RLN2: variants seen among roughly 807,000 people sequenced by gnomAD.
The protein encoded by RLN2 is relaxin 2.
RLN2 carries 10 observed loss-of-function variants against 7.3 expected under a neutral mutation model. The ratio of observed to expected loss-of-function variants is 1.36; its 90% CI spans 0.84 to 2.31. The LOEUF (loss-of-function observed/expected upper bound fraction) is 2.31. Ranked by LOEUF, RLN2 falls within the 30% of genes most tolerant of loss-of-function variation. RLN2 has a pLI of 0.00. For missense variants in RLN2, 298 were observed against 217.6 expected (o/e 1.37, Z -2.32); for synonymous variants, 103 against 82.3 (o/e 1.25, Z -1.36).
At chr9:5,309,690 C>T (rs1036536427), upstream of RLN2, among the ~76,000 whole-genome samples, 6 of 152,084 alleles carry the variant, frequency 3.9e-5, no homozygotes, top group Non-Finnish European at 8.8e-5. Flanking sequence ...CAGTCTGTTC[C>T]TTTTATCACA....
the RLN2 span, among the ~76,000 whole-genome samples, chr9:5,325,872 A>T: frequency 1.6e-4 from 25 of 152,020 alleles, no homozygotes; most frequent in Non-Finnish European, 3.1e-4. Flanking sequence ...TCCTTCCCAA[A>T]GGCGATGTCA....
chr9:5,336,916 T>G, the RLN2 span, among the ~76,000 whole-genome samples: 1 of 151,976 alleles, frequency 6.6e-6, no homozygotes, highest in African/African-American at 2.4e-5. Context: ...TTCCTGAGTT[T>G]TGTGGCAAAA....
chr9:5,300,175 TC>T lies in RLN2; in HGVS notation c.480del (p.Arg161AspfsTer42). On this transcript the variant is annotated frameshift_variant, in exon 2 of 2. Transcript: ENST00000381627. LOFTEE classifies it low-confidence loss of function (END_TRUNC). Reference sequence around the variant, plus strand: ...TTAGCCAATGCACTGTAGAGTTGTCTCTTTTTTCGAGAATGAGTATCCAAGC... The same window carrying T: ...TTAGCCAATGCACTGTAGAGTTGTCTTTTTTTCGAGAATGAGTATCCAAGC... ...YLGLDTHSRK[K>X]RQLYSALANK... 1 of 1,613,832 alleles carries T rather than the reference TC, an allele frequency of 6.2e-7. No individual in the cohort carries two copies. The highest frequency in any genetic ancestry group is 8.5e-7 in the Non-Finnish European group (1 of 1,179,890).
the RLN2 span, among the ~76,000 whole-genome samples, chr9:5,322,562 G>A: frequency 5.6e-4 from 85 of 152,052 alleles, 2 homozygotes; most frequent in African/African-American, 1.9e-3. Flanking sequence ...TCTCCTTGGA[G>A]AAGGAAGTCC....
At chr9:5,307,833 T>G (rs1451655915), upstream of RLN2, among the ~76,000 whole-genome samples, 1 of 152,036 alleles carries the variant, frequency 6.6e-6, no homozygotes, top group East Asian at 1.9e-4. Context: ...AGCGCCAACT[T>G]TGTCTATAGG....
chr9:5,337,968 G>C, the RLN2 span, among the ~76,000 whole-genome samples: 2 of 151,756 alleles, frequency 1.3e-5, no homozygotes, highest in Non-Finnish European at 2.9e-5. Context: ...TTATGTTTTG[G>C]GATAATAACA....
At chr9:5,305,123 G>A (rs1174443872), upstream of RLN2, among the ~76,000 whole-genome samples, 2 of 151,896 alleles carry the variant, frequency 1.3e-5, no homozygotes, top group Non-Finnish European at 2.9e-5. Flanking sequence ...TAGAATGGAT[G>A]AATAAATAAA....
chr9:5,324,188 C>T, the RLN2 span, among the ~76,000 whole-genome samples: 1 of 151,922 alleles, frequency 6.6e-6, no homozygotes, highest in Non-Finnish European at 1.5e-5. Context: ...AGTGCAGGGT[C>T]TACAGCTGAA....
the RLN2 span, among the ~76,000 whole-genome samples, chr9:5,328,603 T>C: frequency 1.3e-5 from 2 of 151,684 alleles, no homozygotes; most frequent in African/African-American, 2.4e-5. Context: ...CCAAGACACA[T>C]AATTGTCAGA....
At chr9:5,331,188 A>T in the RLN2 span, among the ~76,000 whole-genome samples, 49 of 152,154 alleles carry the variant, frequency 3.2e-4, 1 homozygote, top group Non-Finnish European at 5.9e-4. Flanking sequence ...AGCTGGTACC[A>T]TTCCTTCTGA....
rs1464791947 is a variant in RLN2 at position 5,301,544 on chromosome 9, T to C, written c.212-1100A>G. Among the ~76,000 whole-genome samples, 5 of 152,220 alleles carry C rather than the reference T, an allele frequency of 3.3e-5. No individual in the cohort carries two copies. In the South Asian group the frequency reaches 6.2e-4, roughly 19 times the overall value. ...AAACACGATGATGTTTAAATTACAG[T>C]GAAAACCCATATCAGGTCTTGCTGC... On this transcript the variant is annotated intron_variant, in intron 1 of 1. Transcript: ENST00000381627.
At chr9:5,332,683 C>T in the RLN2 span, among the ~76,000 whole-genome samples, 52 of 151,216 alleles carry the variant, frequency 3.4e-4, 1 homozygote, top group East Asian at 4.3e-3. Context: ...AGTGCAATGG[C>T]GCAATCTCAG....
chr9:5,300,559 A>G, intron 1 of RLN2, 115 bp from the exon 2 acceptor site: 1 of 684,118 alleles, frequency 1.5e-6, no homozygotes. Flanking sequence ...TAAATTAAAC[A>G]TTGAAACAAA....
chr9:5,317,994 A>ATGTGTGTGTGTGTGTG, the RLN2 span, among the ~76,000 whole-genome samples: 1 of 64,746 alleles, frequency 1.5e-5, no homozygotes, highest in Non-Finnish European at 3.0e-5. Flanking sequence ...TAACAAAACT[A>ATGTGTGTGTGTGTGTG]TGTGTGTGTG....
the RLN2 span, among the ~76,000 whole-genome samples, chr9:5,320,154 T>G: frequency 6.6e-6 from 1 of 151,484 alleles, no homozygotes; most frequent in South Asian, 2.1e-4. Flanking sequence ...TCTGGCTAAT[T>G]TTTGTAGTTT....
At chr9:5,326,860 G>C in the RLN2 span, among the ~76,000 whole-genome samples, 1 of 151,946 alleles carries the variant, frequency 6.6e-6, no homozygotes, top group African/African-American at 2.4e-5. Flanking sequence ...CAAATGTCTT[G>C]ACAAGAAAAA....
the RLN2 span, among the ~76,000 whole-genome samples, chr9:5,322,323 G>A: frequency 6.6e-6 from 1 of 151,932 alleles, no homozygotes; most frequent in Non-Finnish European, 1.5e-5. Context: ...GAAACCTGCT[G>A]CCCAGTCATA....
At chr9:5,311,549 A>G in the RLN2 span, 2 of 750,562 alleles carry the variant, frequency 2.7e-6, no homozygotes, top group South Asian at 2.7e-5. Context: ...TGCTCCTCCA[A>G]AGCCAGAGCT....
chr9:5,336,287 T>C, the RLN2 span, among the ~76,000 whole-genome samples: 10 of 152,042 alleles, frequency 6.6e-5, 1 homozygote, highest in African/African-American at 2.4e-4. Flanking sequence ...TAAGAAGAGA[T>C]TCATATGTGC....
Sources: allele counts gnomAD v4.1 joint callset (sites outside exome capture counted in the v4.1 genomes callset), GRCh38; gene constraint gnomAD v4.1.1; transcripts MANE v1.5; gene names NCBI Gene and HGNC (gene_info 2026-07-23, HGNC 2026-07-21).